Variants in NR1H4 observed in about 807,000 individuals in gnomAD.
NR1H4 encodes bile acid receptor.
In NR1H4, 23 loss-of-function variants were observed where a neutral mutation model predicts 58.5. The ratio of observed to expected loss-of-function variants is 0.39; its 90% confidence interval spans 0.28 to 0.56. The LOEUF is 0.56. NR1H4 is among the 20% of genes least tolerant of loss of function. NR1H4 has a pLI of 0.58. For missense variants in NR1H4, 487 were observed against 576.9 expected, an observed-to-expected ratio of 0.84 and a Z score of 1.60; for synonymous variants, 214 against 198.0, an observed-to-expected ratio of 1.08 and a Z score of -0.68.
intron 3 of NR1H4, among the ~76,000 whole-genome samples, chr12:100,509,052 C>T (rs542468210): frequency 2.0e-5 from 3 of 152,284 alleles, no homozygotes; most frequent in South Asian, 2.1e-4. Flanking sequence ...AAAACACATA[C>T]GACTGCCAGG....
intron 3 of NR1H4, among the ~76,000 whole-genome samples, chr12:100,497,485 G>A (rs1434579616): frequency 6.6e-6 from 1 of 152,214 alleles, no homozygotes; most frequent in Non-Finnish European, 1.5e-5. Flanking sequence ...TGGAATCAGA[G>A]AGATGGGGGT....
intron 9 of NR1H4, among the ~76,000 whole-genome samples, chr12:100,549,209 G>A (rs1292960360): frequency 1.3e-5 from 2 of 152,132 alleles, no homozygotes; most frequent in African/African-American, 2.4e-5. Context: ...ATGGTGGCAT[G>A]TGCCGGTAGT....
chr12:100,488,511 A>C (rs1002761400), intron 1 of NR1H4, among the ~76,000 whole-genome samples: 2 of 152,250 alleles, frequency 1.3e-5, no homozygotes, highest in African/African-American at 4.8e-5. Context: ...TAAAGTCATT[A>C]GAAATTAAAA....
At chr12:100,524,438 T>C (rs1024940622) in intron 4 of NR1H4, among the ~76,000 whole-genome samples, 1 of 152,124 alleles carries the variant, frequency 6.6e-6, no homozygotes, top group Non-Finnish European at 1.5e-5. Context: ...GGCCACTAGC[T>C]TCTGGGGGTT....
chr12:100,544,410 G>T (rs774187683), intron 9 of NR1H4, among the ~76,000 whole-genome samples: 3 of 152,104 alleles, frequency 2.0e-5, no homozygotes, highest in Non-Finnish European at 4.4e-5. Context: ...AGAGACAGTG[G>T]TGATTAAGGA....
chr12:100,479,852 C>G (rs1953342808), intron 1 of NR1H4, among the ~76,000 whole-genome samples: 1 of 152,204 alleles, frequency 6.6e-6, no homozygotes, highest in Non-Finnish European at 1.5e-5. Flanking sequence ...GCTGATCACT[C>G]TGCCTGAACT....
chr12:100,558,447 C>T (rs1173423378), intron 9 of NR1H4, among the ~76,000 whole-genome samples: 1 of 151,980 alleles, frequency 6.6e-6, no homozygotes, highest in African/African-American at 2.4e-5. Context: ...CAGCCTCAAC[C>T]TCCAGGCTTA....
At chr12:100,554,392 A>AACACACACACACAC (rs60582622) in intron 9 of NR1H4, among the ~76,000 whole-genome samples, 102 of 148,100 alleles carry the variant, frequency 6.9e-4, no homozygotes, top group East Asian at 4.2e-3. Flanking sequence ...ACTTGTAAAT[A>AACACACACACACAC]ACACACACAC....
intron 1 of NR1H4, among the ~76,000 whole-genome samples, chr12:100,475,822 A>C (rs964137882): frequency 6.6e-6 from 1 of 151,580 alleles, no homozygotes; most frequent in Non-Finnish European, 1.5e-5. Flanking sequence ...TGCAGCCTCC[A>C]CCTCCCGGGT....
intron 3 of NR1H4, among the ~76,000 whole-genome samples, chr12:100,504,376 G>A (rs925976876): frequency 3.9e-5 from 6 of 152,108 alleles, no homozygotes; most frequent in South Asian, 2.1e-4. Context: ...GTTTAAATGC[G>A]ATGTTTAAAA....
chr12:100,563,320 AGTT>A lies in NR1H4; in HGVS notation c.1265_1267del (p.Leu422del). ...GAGCCACTTCTTGATGTGCTACAAA[AGTT>A]GTGTAAGATTCACCAGCCTGAAAAT... On this transcript the variant is annotated inframe_deletion, in exon 11 of 11. Coordinates refer to ENST00000392986, the MANE Select transcript of NR1H4 (RefSeq NM_001206979.2). 2 of 1,614,192 alleles carry A rather than the reference AGTT, an allele frequency of 1.2e-6. No individual in the cohort carries two copies. Among genetic ancestry groups the A allele is most frequent in the Non-Finnish European group, 8.5e-7 (1 of 1,180,040 alleles).
At chr12:100,513,754 C>T (rs1023446460) in intron 4 of NR1H4, among the ~76,000 whole-genome samples, 12 of 150,564 alleles carry the variant, frequency 8.0e-5, no homozygotes, top group Admixed American at 6.0e-4. Flanking sequence ...GAGATTGTGC[C>T]ATTGCACTCC....
intron 9 of NR1H4, among the ~76,000 whole-genome samples, chr12:100,551,414 T>C (rs1003160213): frequency 1.3e-5 from 2 of 152,224 alleles, no homozygotes; most frequent in Non-Finnish European, 2.9e-5. Context: ...CTAAGCTGAT[T>C]ATCAGTTCAG....
intron 9 of NR1H4, among the ~76,000 whole-genome samples, chr12:100,556,475 A>AC (rs112920819): frequency 2.0e-5 from 3 of 151,920 alleles, no homozygotes; most frequent in South Asian, 2.1e-4. Flanking sequence ...CTCAAAGAAA[A>AC]AAAAAACAAA....
chr12:100,525,748 G>C (rs1196895008), intron 4 of NR1H4, among the ~76,000 whole-genome samples: 1 of 152,118 alleles, frequency 6.6e-6, no homozygotes, highest in African/African-American at 2.4e-5. Context: ...GAATAAACCA[G>C]TGAGACCATC....
chr12:100,493,322 G>T lies in NR1H4; in HGVS notation c.-2G>T. On this transcript the variant is annotated 5_prime_UTR_variant, in exon 3 of 11. Transcript: ENST00000392986. ...AAAGTGCATTTCAATTGAAAAATTT[G>T]GATGGGATCAAAAATGAATCTCATT... 3 of 1,522,612 alleles carry T rather than the reference G, an allele frequency of 2.0e-6. No individual in the cohort carries two copies. The highest frequency in any genetic ancestry group is 2.7e-6 in the Non-Finnish European group (3 of 1,102,890). The allele number at this position is 1,522,612 out of a possible 1,614,324, so 94.3% of individuals were successfully genotyped here.
intron 4 of NR1H4, among the ~76,000 whole-genome samples, chr12:100,528,630 G>A (rs1484995285): frequency 6.6e-6 from 1 of 152,190 alleles, no homozygotes; most frequent in Non-Finnish European, 1.5e-5. Flanking sequence ...CAAGAAAGAG[G>A]CAGAGGTATG....
intron 3 of NR1H4, among the ~76,000 whole-genome samples, chr12:100,502,679 A>T (rs185985637): frequency 1.3e-5 from 2 of 152,324 alleles, no homozygotes; most frequent in East Asian, 3.9e-4. Flanking sequence ...AGACTTTACA[A>T]TGGTGTGAAA....
At chr12:100,554,173 A>C (rs964399671) in intron 9 of NR1H4, among the ~76,000 whole-genome samples, 1 of 152,244 alleles carries the variant, frequency 6.6e-6, no homozygotes, top group Admixed American at 6.5e-5. Flanking sequence ...AGCAGAAGGC[A>C]GATGTGGCTT....
Sources: gnomAD v4.1 joint callset for allele counts (sites outside exome capture counted in the v4.1 genomes callset) on GRCh38, gnomAD v4.1.1 for gene constraint, MANE v1.5 for transcripts, NCBI Gene and HGNC (gene_info 2026-07-23, HGNC 2026-07-21) for gene names.